Variants in EXOC6 observed in about 807,000 individuals in gnomAD.
The protein encoded by EXOC6 is SEC15-like 1.
A neutral mutation model predicts 112.5 loss-of-function variants in EXOC6; 60 were observed. The ratio of observed to expected loss-of-function variants is 0.53; its 90% CI spans 0.43 to 0.66. The LOEUF (loss-of-function observed/expected upper bound fraction) is 0.66. Among genes scored for constraint, EXOC6 ranks in the 30% least tolerant of loss-of-function variants. EXOC6 has a pLI of 0.00. For missense variants in EXOC6, 855 were observed against 957.1 expected, an observed-to-expected ratio of 0.89 and a Z score of 1.41; for synonymous variants, 295 against 308.0, an observed-to-expected ratio of 0.96 and a Z score of 0.44.
chr10:93,058,126 G>A, intron 21 of EXOC6, 97 bp from the exon 22 acceptor site: 1 of 1,071,314 alleles, frequency 9.3e-7, no homozygotes, highest in Non-Finnish European at 1.4e-6. Context: ...CATAGGATTA[G>A]TGTGGGATAA....
At chr10:92,834,866 A>G (rs1022707239) in intron 1 of EXOC6, 20 of 1,237,396 alleles carry the variant, frequency 1.6e-5, no homozygotes, top group Non-Finnish European at 2.3e-5. Flanking sequence ...TTTAGCGGTG[A>G]TAAGGTGGTC....
intron 1 of EXOC6, among the ~76,000 whole-genome samples, chr10:92,873,721 A>G (rs1018195357): frequency 6.6e-6 from 1 of 152,136 alleles, no homozygotes; most frequent in Non-Finnish European, 1.5e-5. Context: ...GTTTTATGTA[A>G]ACAAGAAATA....
chr10:92,966,281 A>AATAATT (rs762102423), intron 17 of EXOC6, among the ~76,000 whole-genome samples: 145 of 134,938 alleles, frequency 1.1e-3, no homozygotes, highest in Non-Finnish European at 1.8e-3. Context: ...ATGTAATTAT[A>AATAATT]ATTATTATTA....
At chr10:92,899,699 A>G in intron 5 of EXOC6, 55 bp downstream of exon 5, 2 of 1,237,126 alleles carry the variant, frequency 1.6e-6, no homozygotes, top group Non-Finnish European at 2.3e-6. Flanking sequence ...TATTATTGAA[A>G]GGACAGATAC....
rs1399085207 is a variant in EXOC6, at chr10:93,015,500, G to A, written c.2169+1233G>A. Among the ~76,000 whole-genome samples, 6 of 152,300 alleles carry A rather than the reference G, an allele frequency of 3.9e-5. 1 individual carries two copies. The East Asian group carries it at 7.7e-4, about 20-fold the overall frequency. On this transcript the variant is annotated intron_variant, in intron 20 of 21. Transcript: ENST00000260762. ...TGTTATCCCAGCACTTTGGGAGGCCGAGGCGGATGGATCACAAGGTCAGGA... is the reference window on the plus strand; with the variant it reads ...TGTTATCCCAGCACTTTGGGAGGCCAAGGCGGATGGATCACAAGGTCAGGA...
chr10:93,058,295 G>C lies in EXOC6; in HGVS notation c.2355G>C (p.Leu785Phe). Residue 785 changes from leucine (L) to phenylalanine (F), a missense_variant, in exon 22 of 22, where the codon TTG (leucine) becomes TTC (phenylalanine). Leu to Phe is a conservative substitution (Grantham distance 22). Around this residue, in one of 2 missense-constraint regions of EXOC6, gnomAD observed 450 missense variants for 563.5 expected, o/e 0.80. Transcript: ENST00000260762. Reference protein sequence around the residue: ...FRKNDRDKQKLIETVVKQLRS... With the variant: ...FRKNDRDKQKFIETVVKQLRS... Reference sequence around the variant, plus strand: ...AGAATGATCGAGACAAACAGAAGTTGATAGAGACAGTCGTGAAACAGCTGA... The same window carrying C: ...AGAATGATCGAGACAAACAGAAGTTCATAGAGACAGTCGTGAAACAGCTGA... 1.2e-6 allele frequency: 2 copies of C among 1,611,932 alleles called. No individual in the cohort carries two copies. The highest frequency in any genetic ancestry group is 1.7e-6 in the Non-Finnish European group (2 of 1,179,590).
chr10:92,890,849 T>C (rs932967349), intron 1 of EXOC6, among the ~76,000 whole-genome samples: 13 of 152,200 alleles, frequency 8.5e-5, no homozygotes, highest in East Asian at 3.8e-4. Context: ...TAGGGTCTTA[T>C]GGGCTGTTGT....
intron 1 of EXOC6, among the ~76,000 whole-genome samples, chr10:92,843,331 C>CGTCTTT (rs1359454266): frequency 5.9e-5 from 9 of 152,174 alleles, no homozygotes; most frequent in African/African-American, 2.2e-4. Context: ...CGACGGTGGA[C>CGTCTTT]ATCTGAAACG....
intron 1 of EXOC6, among the ~76,000 whole-genome samples, chr10:92,828,026 C>T (rs776499025): frequency 2.0e-5 from 3 of 152,060 alleles, no homozygotes; most frequent in African/African-American, 4.8e-5. Context: ...TATATGGTAT[C>T]GATTTTGTAT....
intron 19 of EXOC6, among the ~76,000 whole-genome samples, chr10:93,006,055 G>A (rs1190023753): frequency 6.6e-6 from 1 of 152,160 alleles, no homozygotes; most frequent in Non-Finnish European, 1.5e-5. Flanking sequence ...AGCCACTCAG[G>A]AGGCTGAGGT....
At chr10:92,995,069 T>C (rs1329122365) in intron 18 of EXOC6, among the ~76,000 whole-genome samples, 1 of 152,010 alleles carries the variant, frequency 6.6e-6, no homozygotes, top group Non-Finnish European at 1.5e-5. Flanking sequence ...TCTGAAGATT[T>C]ATAAAATATT....
At chr10:92,850,039 T>C (rs1478710808) in intron 1 of EXOC6, among the ~76,000 whole-genome samples, 1 of 152,238 alleles carries the variant, frequency 6.6e-6, no homozygotes, top group Non-Finnish European at 1.5e-5. Flanking sequence ...ATAAACTGTA[T>C]ACTTGGTAAT....
chr10:92,963,296 A>G (rs139545110), intron 17 of EXOC6, among the ~76,000 whole-genome samples: 12 of 152,272 alleles, frequency 7.9e-5, no homozygotes, highest in African/African-American at 2.9e-4. Flanking sequence ...CTTCAGCTGT[A>G]TCTGGGCTGT....
chr10:92,933,843 A>G (rs1300606609), intron 9 of EXOC6, among the ~76,000 whole-genome samples: 3 of 150,944 alleles, frequency 2.0e-5, no homozygotes, highest in African/African-American at 4.8e-5. Flanking sequence ...TGGGGAGACT[A>G]TGTAGGAGGA....
intron 18 of EXOC6, among the ~76,000 whole-genome samples, chr10:92,977,706 C>T (rs986535294): frequency 3.3e-5 from 5 of 151,902 alleles, no homozygotes; most frequent in African/African-American, 4.8e-5. Flanking sequence ...CACACACACA[C>T]GTTTTATGTT....
chr10:92,903,163 A>G (rs923558113), intron 5 of EXOC6, among the ~76,000 whole-genome samples: 8 of 152,004 alleles, frequency 5.3e-5, no homozygotes, highest in African/African-American at 1.9e-4. Context: ...TTAAAAATAT[A>G]ATTTAAAAAA....
At chr10:92,860,876 G>A (rs574994184) in intron 1 of EXOC6, among the ~76,000 whole-genome samples, 16 of 152,144 alleles carry the variant, frequency 1.1e-4, no homozygotes, top group African/African-American at 3.1e-4. Context: ...TTTGTGTTGC[G>A]TCCTCCTTTT....
chr10:93,013,126 C>G (rs1323331268), intron 19 of EXOC6, among the ~76,000 whole-genome samples: 2 of 151,896 alleles, frequency 1.3e-5, no homozygotes, highest in African/African-American at 2.4e-5. Context: ...ATGACAGGGT[C>G]TTTTTTATGA....
At chr10:92,862,305 A>G (rs1847946932) in intron 1 of EXOC6, among the ~76,000 whole-genome samples, 1 of 150,722 alleles carries the variant, frequency 6.6e-6, no homozygotes, top group African/African-American at 2.5e-5. Context: ...GCATGAATCA[A>G]TACTTGTTAT....
Sources: gnomAD v4.1 joint callset for allele counts (sites outside exome capture counted in the v4.1 genomes callset) on GRCh38, gnomAD v4.1.1 for gene constraint, gnomAD v4.1.1 regional missense constraint, MANE v1.5 for transcripts, NCBI Gene and HGNC (gene_info 2026-07-23, HGNC 2026-07-21) for gene names.